The following MET variants were observed in gnomAD, a reference collection of about 807,000 sequenced individuals.
MET encodes MET proto-oncogene, receptor tyrosine kinase, also known as hepatocyte growth factor receptor.
MET carries 48 observed loss-of-function variants against 133.1 expected under a neutral mutation model. The ratio of observed to expected loss-of-function variants is 0.36; its 90% CI spans 0.29 to 0.46. MET has a LOEUF of 0.46. MET is among the 20% of genes least tolerant of loss of function. MET has a pLI of 1.00. For synonymous variants in MET, 628 were observed against 616.5 expected (o/e 1.02, Z -0.28); for missense variants, 1,442 against 1,695.9 (o/e 0.85, Z 2.63).
At chr7:116,709,239 A>G (rs1791905819) in intron 2 of MET, among the ~76,000 whole-genome samples, 3 of 152,222 alleles carry the variant, frequency 2.0e-5, no homozygotes. Flanking sequence ...TCATCTATAC[A>G]TATTTAATCA....
intron 14 of MET, among the ~76,000 whole-genome samples, chr7:116,773,247 C>CA (rs1352606563): frequency 2.0e-5 from 3 of 152,092 alleles, no homozygotes; most frequent in Non-Finnish European, 2.9e-5. Context: ...GGTGCACAGC[C>CA]AAAACCTAAT....
intron 2 of MET, among the ~76,000 whole-genome samples, chr7:116,704,407 G>T (rs1791705383): frequency 6.6e-6 from 1 of 152,072 alleles, no homozygotes; most frequent in African/African-American, 2.4e-5. Context: ...GTGTGGACAA[G>T]TATATTAATA....
At chr7:116,719,376 A>T (rs1468181151) in intron 2 of MET, among the ~76,000 whole-genome samples, 1 of 151,908 alleles carries the variant, frequency 6.6e-6, no homozygotes, top group Admixed American at 6.6e-5. Flanking sequence ...TTCATTGTAG[A>T]TTCTGGATAT....
chr7:116,697,181 A>G (rs1307937187), intron 1 of MET, among the ~76,000 whole-genome samples: 1 of 152,166 alleles, frequency 6.6e-6, no homozygotes, highest in Non-Finnish European at 1.5e-5. Flanking sequence ...CTTTTTCCAG[A>G]TAACTGCTAA....
In MET at chr7:116,741,971, C is replaced by T. The variant is rs543506413; in HGVS notation, c.1701+946C>T. ...ATATTCGGCACTATGAAAATCTCCACGCAATTTTTAAAAATTTCTTAGTCC... is the reference window on the plus strand; with the variant it reads ...ATATTCGGCACTATGAAAATCTCCATGCAATTTTTAAAAATTTCTTAGTCC... On this transcript the variant is annotated intron_variant, in intron 5 of 20. Transcript: ENST00000397752. Among the ~76,000 whole-genome samples, 29 of 152,330 alleles carry T rather than the reference C, an allele frequency of 1.9e-4. 1 individual carries two copies. The highest frequency in any genetic ancestry group is 6.0e-4 in the African/African-American group (25 of 41,572).
intron 5 of MET, among the ~76,000 whole-genome samples, chr7:116,754,514 A>G (rs1794048780): frequency 6.6e-6 from 1 of 151,958 alleles, no homozygotes; most frequent in South Asian, 2.1e-4. Flanking sequence ...TAGAAGATGA[A>G]TTCACTTCAG....
At chr7:116,704,663 G>A (rs1562887059) in intron 2 of MET, among the ~76,000 whole-genome samples, 1 of 152,044 alleles carries the variant, frequency 6.6e-6, no homozygotes, top group Admixed American at 6.6e-5. Context: ...AAAAGAGATG[G>A]GGTGAGGAGT....
At chr7:116,776,391 C>A (rs551570313) in intron 15 of MET, among the ~76,000 whole-genome samples, 4 of 152,308 alleles carry the variant, frequency 2.6e-5, no homozygotes, top group African/African-American at 9.6e-5. Flanking sequence ...CCAGTAATTG[C>A]ATCAATTTTA....
intron 18 of MET, 75 bp from the exon 19 acceptor site, chr7:116,783,229 T>C: frequency 6.4e-7 from 1 of 1,564,884 alleles, no homozygotes; most frequent in Non-Finnish European, 8.8e-7. Context: ...GCCACTTGTT[T>C]AATCTGTAGA....
rs1398243931 is a variant in MET at position 116,769,759 on chromosome 7, C to G, written c.2698C>G (p.Leu900Val). 3.1e-6 allele frequency: 5 copies of G among 1,613,664 alleles called. No individual in the cohort carries two copies. In the East Asian group the frequency reaches 1.1e-4, roughly 36 times the overall value. The part of the protein sequence containing the change: ...EAVLCTVPND[L>V]LKLNSELNIE... ...CGTTTTATGCACGGTCCCCAATGAC[C>G]TGCTGAAATTGAACAGCGAGCTAAA... The change falls in exon 12 of 21, where the codon CTG (leucine) becomes GTG (valine). Residue 900 changes from leucine to valine, a missense_variant. Leu to Val is a conservative substitution (Grantham distance 32). Transcript: ENST00000397752.
intron 2 of MET, among the ~76,000 whole-genome samples, chr7:116,726,968 G>A (rs193242530): frequency 6.6e-6 from 1 of 152,168 alleles, no homozygotes; most frequent in African/African-American, 2.4e-5. Context: ...AGGACTGAGT[G>A]ACTGGTTAGA....
In MET at chr7:116,699,326, T is replaced by C. The variant is rs777473183; in HGVS notation, c.242T>C (p.Val81Ala). ...YVLNEEDLQK[V>A]AEYKTGPVLE... ...TTAAATGAGGAAGACCTTCAGAAGG[T>C]TGCTGAGTACAAGACTGGGCCTGTG... The change falls in exon 2 of 21, where the codon GTT becomes GCT. Residue 81 changes from valine (V) to alanine (A), a missense_variant. Transcript: ENST00000397752. 1 of 1,614,044 alleles carries C rather than the reference T, an allele frequency of 6.2e-7. No individual in the cohort carries two copies. Among genetic ancestry groups the C allele is most frequent in the Non-Finnish European group, 8.5e-7 (1 of 1,179,950 alleles).
At chr7:116,779,600 T>C (rs1472825053) in intron 17 of MET, among the ~76,000 whole-genome samples, 2 of 152,146 alleles carry the variant, frequency 1.3e-5, no homozygotes, top group South Asian at 2.1e-4. Context: ...ATCTGATACA[T>C]GCATGAAGCT....
intron 2 of MET, among the ~76,000 whole-genome samples, chr7:116,718,445 T>C (rs1792332009): frequency 1.3e-5 from 2 of 151,964 alleles, no homozygotes; most frequent in Admixed American, 6.5e-5. Flanking sequence ...ATAAAACACA[T>C]TGTTTACCAT....
At position 116,771,881 on chromosome 7, in the gene MET, A is replaced by C. The variant is rs1332049203; in HGVS notation, c.2920A>C (p.Arg974=). The C allele has an allele frequency of 1.9e-6, 3 of 1,613,724 alleles. No homozygotes were observed. In the South Asian group the frequency reaches 3.3e-5, roughly 18 times the overall value. ...LGSELVRYDA[R]VHTPHLDRLV... ...CAGTGAATTAGTTCGCTACGATGCAAGAGTACACACTCCTCATTTGGATAG... is the reference window on the plus strand; with the variant it reads ...CAGTGAATTAGTTCGCTACGATGCACGAGTACACACTCCTCATTTGGATAG... The change falls in exon 14 of 21, where the codon AGA becomes CGA. Residue 974 remains arginine, a synonymous_variant. Transcript: ENST00000397752.
chr7:116,705,705 G>GT lies in MET; in HGVS notation c.1200+5422dup, dbSNP rs773267197. Among the ~76,000 whole-genome samples, 264 of 152,184 alleles carry GT rather than the reference G, an allele frequency of 1.7e-3. 2 individuals carry two copies. Among genetic ancestry groups the GT allele is most frequent in the Middle Eastern group, 6.8e-3 (2 of 294 alleles). On this transcript the variant is annotated intron_variant, in intron 2 of 20. Coordinates refer to ENST00000397752, the MANE Select transcript of MET (RefSeq NM_000245.4). ...AGATTCAATGTACTTTTTAAAAAAT[G>GT]TAAGTAAAAGGTTATTAATTTTACA...
At chr7:116,787,625 A>AT (rs1256537145) in intron 19 of MET, among the ~76,000 whole-genome samples, 1 of 152,202 alleles carries the variant, frequency 6.6e-6, no homozygotes, top group African/African-American at 2.4e-5. Flanking sequence ...TAATTCACCC[A>AT]TGAGAGTAGA....
At chr7:116,709,043 C>A (rs1278700449) in intron 2 of MET, among the ~76,000 whole-genome samples, 2 of 152,166 alleles carry the variant, frequency 1.3e-5, no homozygotes, top group African/African-American at 4.8e-5. Flanking sequence ...ATTTCCTTCT[C>A]ATGAGAATCA....
intron 17 of MET, among the ~76,000 whole-genome samples, chr7:116,779,252 A>G (rs1379818206): frequency 7.9e-5 from 12 of 152,200 alleles, no homozygotes; most frequent in Non-Finnish European, 1.8e-4. Flanking sequence ...AACTGTGCAC[A>G]GCACAGGAGA....
Sources: allele counts gnomAD v4.1 joint callset (sites outside exome capture counted in the v4.1 genomes callset), GRCh38; gene constraint gnomAD v4.1.1; transcripts MANE v1.5; gene names NCBI Gene and HGNC (gene_info 2026-07-23, HGNC 2026-07-21).